The following SDK1 variants were observed in gnomAD, a reference collection of about 807,000 sequenced individuals.
The protein encoded by SDK1 is sidekick cell adhesion molecule 1, also known as protein sidekick-1.
In SDK1, 157 loss-of-function variants were observed where a neutral mutation model predicts 245.5. The observed-to-expected ratio is 0.64, with a 90% CI of 0.56 to 0.73. SDK1 has a LOEUF of 0.73. Among genes scored for constraint, SDK1 ranks in the 30% least tolerant of loss-of-function variants. SDK1 has a pLI of 0.00. For missense variants in SDK1, 3,583 were observed against 3,002.3 expected, an observed-to-expected ratio of 1.19 and a Z score of -4.52; for synonymous variants, 1,647 against 1,278.5, an observed-to-expected ratio of 1.29 and a Z score of -6.15.
chr7:3,875,770 G>A (rs138366996), intron 5 of SDK1, among the ~76,000 whole-genome samples: 1 of 152,274 alleles, frequency 6.6e-6, no homozygotes, highest in East Asian at 1.9e-4. Context: ...TATAGGTGGT[G>A]TTCTCTTGTT....
intron 1 of SDK1, among the ~76,000 whole-genome samples, chr7:3,355,219 C>G (rs184095351): frequency 1.2e-4 from 19 of 152,258 alleles, no homozygotes; most frequent in Non-Finnish European, 2.6e-4. Context: ...ACCTAAAGTT[C>G]TTAAAATATA....
chr7:3,567,660 A>C (rs1305689743), intron 1 of SDK1, among the ~76,000 whole-genome samples: 2 of 152,190 alleles, frequency 1.3e-5, no homozygotes, highest in Non-Finnish European at 2.9e-5. Context: ...GTATCATTCC[A>C]GAATTGTCAG....
rs747181397 is a variant in SDK1, at chr7:3,971,441, G to T, written c.1715-25G>T. ...AACTGTCAAACTTGTCATTTCGTCT[G>T]ACTCGTGACTTGTGTTTTTTTCAGA... On this transcript the variant is annotated intron_variant, in intron 11 of 44. Coordinates refer to ENST00000404826, the MANE Select transcript of SDK1 (RefSeq NM_152744.4). 2.6e-6 allele frequency: 4 copies of T among 1,535,568 alleles called. No individual in the cohort carries two copies. In the South Asian group the frequency reaches 4.6e-5, roughly 17 times the overall value.
At chr7:4,198,524 T>C (rs534164639) in intron 35 of SDK1, among the ~76,000 whole-genome samples, 1 of 152,358 alleles carries the variant, frequency 6.6e-6, no homozygotes, top group Admixed American at 6.5e-5. Flanking sequence ...GCCCATTACC[T>C]GTTCTTGTAA....
At chr7:3,671,428 A>G (rs1402889146) in intron 4 of SDK1, among the ~76,000 whole-genome samples, 1 of 152,220 alleles carries the variant, frequency 6.6e-6, no homozygotes, top group Non-Finnish European at 1.5e-5. Context: ...AAGACAGAGT[A>G]AAATACTTTG....
At chr7:3,738,827 G>T (rs566157130) in intron 4 of SDK1, among the ~76,000 whole-genome samples, 1 of 150,962 alleles carries the variant, frequency 6.6e-6, no homozygotes. Flanking sequence ...CCTTTTATTT[G>T]TTGTTAATGT....
chr7:4,143,297 C>G (rs1779707499), intron 28 of SDK1, among the ~76,000 whole-genome samples: 1 of 152,200 alleles, frequency 6.6e-6, no homozygotes, highest in African/African-American at 2.4e-5. Context: ...GTCATACCGG[C>G]CACCACAGGG....
intron 1 of SDK1, among the ~76,000 whole-genome samples, chr7:3,354,772 G>A (rs2128559119): frequency 6.6e-6 from 1 of 152,302 alleles, no homozygotes; most frequent in East Asian, 1.9e-4. Context: ...TGACGGATAA[G>A]GGCAAAATAT....
intron 17 of SDK1, among the ~76,000 whole-genome samples, chr7:4,039,065 C>T (rs890966458): frequency 7.7e-4 from 117 of 151,406 alleles, no homozygotes; most frequent in African/African-American, 2.7e-3. Context: ...AAAAACCAAA[C>T]ACCGCATGTT....
intron 1 of SDK1, among the ~76,000 whole-genome samples, chr7:3,522,719 T>C (rs1469588954): frequency 6.6e-6 from 1 of 152,192 alleles, no homozygotes; most frequent in East Asian, 1.9e-4. Flanking sequence ...TATCCTAATC[T>C]GCAGAGGTGC....
intron 4 of SDK1, among the ~76,000 whole-genome samples, chr7:3,813,538 T>C (rs1234281472): frequency 6.7e-6 from 1 of 149,752 alleles, no homozygotes; most frequent in Admixed American, 6.7e-5. Flanking sequence ...TGGTTCCAAG[T>C]CTTTGCTATT....
In SDK1 at chr7:3,561,345, C is replaced by T. The variant is rs145786890; in HGVS notation, c.299-57735C>T. Among the ~76,000 whole-genome samples the T allele has an allele frequency of 4.0e-4, 61 of 152,324 alleles. No individual in the cohort carries two copies. The East Asian group carries it at 0.011, about 27-fold the overall frequency. Reference sequence around the variant, plus strand: ...ACACATCTGAGCTGCTTTCCTTGGGCGTCAGGGATGGAGCTTTTATTGAAG... The same window carrying T: ...ACACATCTGAGCTGCTTTCCTTGGGTGTCAGGGATGGAGCTTTTATTGAAG... On this transcript the variant is annotated intron_variant, in intron 1 of 44. Transcript: ENST00000404826.
At chr7:3,679,692 C>G (rs139742676) in intron 4 of SDK1, among the ~76,000 whole-genome samples, 1 of 152,310 alleles carries the variant, frequency 6.6e-6, no homozygotes, top group African/African-American at 2.4e-5. Flanking sequence ...CACTTTCAAA[C>G]CACAATGAGA....
At chr7:4,017,108 G>C (rs192430190) in intron 16 of SDK1, 63 bp from the exon 17 acceptor site, 1 of 1,479,694 alleles carries the variant, frequency 6.8e-7, no homozygotes, top group African/African-American at 1.4e-5. Context: ...GAATAACTGC[G>C]GGTAAACACC....
At chr7:4,178,404 A>G in intron 34 of SDK1, 81 bp from the exon 35 acceptor site, 1 of 1,020,098 alleles carries the variant, frequency 9.8e-7, no homozygotes, top group Non-Finnish European at 1.6e-6. Context: ...TCCTTGCTTC[A>G]TTGTGGTTCA....
At chr7:4,130,465 C>T (rs949408075) in intron 27 of SDK1, 3 of 227,500 alleles carry the variant, frequency 1.3e-5, no homozygotes, top group Middle Eastern at 3.0e-3. Context: ...GCAACACATC[C>T]CAGGACCCCA....
At chr7:3,302,673 T>C (rs1316694283) in intron 1 of SDK1, among the ~76,000 whole-genome samples, 2 of 151,562 alleles carry the variant, frequency 1.3e-5, no homozygotes, top group East Asian at 3.9e-4. Context: ...TCGTTTTCTT[T>C]TGAAGTTTGC....
At chr7:3,430,941 C>T (rs1338819912) in intron 1 of SDK1, among the ~76,000 whole-genome samples, 6 of 152,224 alleles carry the variant, frequency 3.9e-5, no homozygotes, top group African/African-American at 1.4e-4. Context: ...CGCTCTGTTG[C>T]TCAGGATGGA....
intron 35 of SDK1, among the ~76,000 whole-genome samples, chr7:4,186,728 C>G (rs762331306): frequency 1.3e-5 from 2 of 152,210 alleles, no homozygotes; most frequent in East Asian, 1.9e-4. Flanking sequence ...GCCCACCTCA[C>G]TAAGCCCTCA....
Sources: allele counts gnomAD v4.1 joint callset (sites outside exome capture counted in the v4.1 genomes callset), GRCh38; gene constraint gnomAD v4.1.1; transcripts MANE v1.5; gene names NCBI Gene and HGNC (gene_info 2026-07-23, HGNC 2026-07-21).